Variants in ROBO1 observed in about 807,000 individuals in gnomAD.
ROBO1 encodes the protein roundabout homolog 1.
A neutral mutation model predicts 195.9 loss-of-function variants in ROBO1; 149 were observed. The ratio of observed to expected loss-of-function variants is 0.76; its 90% CI spans 0.67 to 0.87. ROBO1 has a LOEUF of 0.87. ROBO1 is among the 40% of genes least tolerant of loss of function. The pLI is 0.00. For synonymous variants in ROBO1, 816 were observed against 733.2 expected, an observed-to-expected ratio of 1.11 and a Z score of -1.82; for missense variants, 1,933 against 2,068.3, an observed-to-expected ratio of 0.93 and a Z score of 1.27.
chr3:79,200,059 G>C (rs1469064476), intron 2 of ROBO1, among the ~76,000 whole-genome samples: 1 of 151,670 alleles, frequency 6.6e-6, no homozygotes, highest in Non-Finnish European at 1.5e-5. Flanking sequence ...ACTGTAGGAA[G>C]ACAAAAAGCA....
intron 4 of ROBO1, among the ~76,000 whole-genome samples, chr3:78,889,207 T>C (rs2036740891): frequency 6.6e-6 from 1 of 152,234 alleles, no homozygotes; most frequent in Non-Finnish European, 1.5e-5. Flanking sequence ...CCTTGTTCTA[T>C]AGTTATATTA....
intron 4 of ROBO1, among the ~76,000 whole-genome samples, chr3:78,839,112 A>C (rs1026884171): frequency 4.6e-5 from 7 of 152,168 alleles, no homozygotes; most frequent in African/African-American, 1.7e-4. Flanking sequence ...TTGATCTGAG[A>C]TGCTGAATTC....
intron 1 of ROBO1, among the ~76,000 whole-genome samples, chr3:79,650,409 A>C (rs2106741563): frequency 6.6e-6 from 1 of 151,956 alleles, no homozygotes; most frequent in South Asian, 2.1e-4. Context: ...AGACTGAATA[A>C]GAATATTGTA....
chr3:78,654,845 T>C (rs1161638083), intron 18 of ROBO1, among the ~76,000 whole-genome samples: 2 of 152,168 alleles, frequency 1.3e-5, no homozygotes, highest in African/African-American at 2.4e-5. Flanking sequence ...TAAATAATCT[T>C]CAGTCATAAA....
chr3:79,278,552 T>A (rs1218981463), intron 2 of ROBO1, among the ~76,000 whole-genome samples: 2 of 152,176 alleles, frequency 1.3e-5, no homozygotes, highest in African/African-American at 4.8e-5. Context: ...TACAGTGAAC[T>A]AATTTTTGAA....
rs1053400801 is a variant in ROBO1, at chr3:78,832,100, T to C, written c.500-85200A>G. Among the ~76,000 whole-genome samples, 5 of 152,160 alleles carry C rather than the reference T, an allele frequency of 3.3e-5. No individual in the cohort carries two copies. The East Asian group carries it at 9.6e-4, about 29-fold the overall frequency. On this transcript the variant is annotated intron_variant, in intron 4 of 30. Transcript: ENST00000464233. ...GCACACATGGGGGTTAATTTTATTATTTTTTTCTACCTGTGAAGCTGTTTT... is the reference window on the plus strand; with the variant it reads ...GCACACATGGGGGTTAATTTTATTACTTTTTTCTACCTGTGAAGCTGTTTT...
intron 3 of ROBO1, among the ~76,000 whole-genome samples, chr3:78,946,579 TA>T (rs1237497789): frequency 6.6e-6 from 1 of 152,136 alleles, no homozygotes; most frequent in East Asian, 1.9e-4. Flanking sequence ...TGCCAAATTG[TA>T]AAGACCATCA....
chr3:79,413,114 A>C (rs901981158), intron 2 of ROBO1, among the ~76,000 whole-genome samples: 1 of 151,800 alleles, frequency 6.6e-6, no homozygotes, highest in African/African-American at 2.4e-5. Flanking sequence ...TTTAACAAGC[A>C]CATAAAGTTA....
Position 78,995,622 on chromosome 3 carries a change from T to C in ROBO1, c.173-56695A>G, listed in dbSNP as rs2077344961. ...TATGTTCTTTAAAAAATTCTAGGTC[T>C]GAAGACAACGGCTCAGGCTTGTAAT... On this transcript the variant is annotated intron_variant, in intron 3 of 30. Transcript: ENST00000464233. 3.3e-5 allele frequency among the ~76,000 whole-genome samples: 5 copies of C among 151,308 alleles called. No individual in the cohort carries two copies. In the Admixed American group the frequency reaches 3.3e-4, roughly 10 times the overall value.
At chr3:79,767,024 C>T (rs1319250367) in intron 1 of ROBO1, among the ~76,000 whole-genome samples, 8 of 152,036 alleles carry the variant, frequency 5.3e-5, no homozygotes, top group Non-Finnish European at 1.5e-5. Flanking sequence ...TTTAAGCTCT[C>T]GTCTTCACAT....
At chr3:79,497,994 G>T (rs1471986205) in intron 2 of ROBO1, among the ~76,000 whole-genome samples, 1 of 140,326 alleles carries the variant, frequency 7.1e-6, no homozygotes, top group African/African-American at 2.6e-5. Context: ...TATTTGCTTC[G>T]AATTTTTGCT....
At chr3:79,691,216 C>G (rs1401194555) in intron 1 of ROBO1, among the ~76,000 whole-genome samples, 1 of 151,646 alleles carries the variant, frequency 6.6e-6, no homozygotes, top group Non-Finnish European at 1.5e-5. Context: ...TTTCTAATGC[C>G]AGATATTTAC....
chr3:78,777,713 T>C (rs1426147529), intron 4 of ROBO1, among the ~76,000 whole-genome samples: 3 of 152,228 alleles, frequency 2.0e-5, no homozygotes, highest in African/African-American at 7.2e-5. Context: ...TTTTGTATCC[T>C]GAGACTTTGC....
At chr3:78,851,883 T>C (rs2034089580) in intron 4 of ROBO1, among the ~76,000 whole-genome samples, 1 of 152,086 alleles carries the variant, frequency 6.6e-6, no homozygotes, top group African/African-American at 2.4e-5. Context: ...AAATAATGTA[T>C]AGACTGTCAG....
intron 3 of ROBO1, among the ~76,000 whole-genome samples, chr3:79,017,995 A>C (rs1351981132): frequency 1.3e-5 from 2 of 152,180 alleles, no homozygotes; most frequent in Admixed American, 1.3e-4. Context: ...GCGGGCCACA[A>C]GCTCCCAGGG....
rs74542880 is a variant in ROBO1, at chr3:79,485,621, C to T, written c.88+104203G>A. 8.9e-4 allele frequency among the ~76,000 whole-genome samples: 136 copies of T among 152,192 alleles called. 2 individuals are homozygous for T. In the East Asian group the frequency reaches 0.024, roughly 27 times the overall value. The stretch of plus-strand genomic sequence containing the variant: ...ACCATGAGTCAGATACTGTTCTCAG[C>T]GCTTTAAAATTATTAACTCATTTAA... On this transcript the variant is annotated intron_variant, in intron 2 of 30. Coordinates refer to ENST00000464233, the MANE Select transcript of ROBO1 (RefSeq NM_002941.4).
At chr3:79,619,764 C>G (rs1245120005) in intron 1 of ROBO1, among the ~76,000 whole-genome samples, 1 of 152,156 alleles carries the variant, frequency 6.6e-6, no homozygotes, top group Non-Finnish European at 1.5e-5. Flanking sequence ...CCCTTAGAAG[C>G]TTTACCACCC....
At chr3:78,828,240 C>T (rs768027303) in intron 4 of ROBO1, among the ~76,000 whole-genome samples, 2 of 151,486 alleles carry the variant, frequency 1.3e-5, no homozygotes, top group East Asian at 2.0e-4. Flanking sequence ...TTGATTTTCA[C>T]TGATGTTGCA....
intron 2 of ROBO1, among the ~76,000 whole-genome samples, chr3:79,392,912 C>CCTA (rs2037009313): frequency 6.6e-6 from 1 of 152,162 alleles, no homozygotes; most frequent in African/African-American, 2.4e-5. Flanking sequence ...TGCCCAAGGT[C>CCTA]ACAAATTATG....
Sources: allele counts gnomAD v4.1 joint callset (sites outside exome capture counted in the v4.1 genomes callset), GRCh38; gene constraint gnomAD v4.1.1; transcripts MANE v1.5; gene names NCBI Gene and HGNC (gene_info 2026-07-23, HGNC 2026-07-21).